The following MTMR7 variants were observed in gnomAD, a reference collection of about 807,000 sequenced individuals.
MTMR7 encodes the protein myotubularin related protein 7, also known as phosphatidylinositol-3-phosphate phosphatase MTMR7.
MTMR7 carries 76 observed loss-of-function variants against 81.2 expected under a neutral mutation model. That is an observed-to-expected ratio of 0.94 (90% CI 0.78 to 1.13). The LOEUF (loss-of-function observed/expected upper bound fraction) is 1.13. Among genes scored for constraint, MTMR7 ranks in the 50% most tolerant of loss-of-function variants. The pLI, the probability that MTMR7 is intolerant of heterozygous loss-of-function variation, is 0.00. For synonymous variants in MTMR7, 372 were observed against 289.8 expected (o/e 1.28, Z -2.88); for missense variants, 1,044 against 820.0 (o/e 1.27, Z -3.34).
At chr8:17,375,373 C>A (rs12545513) in intron 1 of MTMR7, among the ~76,000 whole-genome samples, 3 of 152,138 alleles carry the variant, frequency 2.0e-5, no homozygotes, top group African/African-American at 7.2e-5. Context: ...AATATCTGTA[C>A]TTATACAATT....
intron 1 of MTMR7, among the ~76,000 whole-genome samples, chr8:17,390,750 G>C (rs1821081512): frequency 6.6e-6 from 1 of 152,172 alleles, no homozygotes; most frequent in Admixed American, 6.5e-5. Flanking sequence ...CAAGGGAGCA[G>C]GAGAGAGAAG....
rs1005682972 is a variant in MTMR7 at position 17,387,432 on chromosome 8, C to T, written c.25-14192G>A. ...GGGGAGCTACTGGTAGAAAAATTCACCCCAGTAATCTTGATACAACTTTGT... is the reference window on the plus strand; with the variant it reads ...GGGGAGCTACTGGTAGAAAAATTCATCCCAGTAATCTTGATACAACTTTGT... On this transcript the variant is annotated intron_variant, in intron 1 of 13. Transcript: ENST00000180173. Among the ~76,000 whole-genome samples the T allele has an allele frequency of 3.3e-5, 5 of 152,148 alleles. No homozygotes were observed. In the East Asian group the frequency reaches 9.6e-4, roughly 29 times the overall value.
rs908325889 is a variant in MTMR7 at position 17,373,132 on chromosome 8, T to G, written c.133A>C (p.Arg45=). The change falls in exon 2 of 14, where the codon AGA becomes CGA. Residue 45 remains arginine, a synonymous_variant. Transcript: ENST00000180173. ...AGAAAGCATACCCATGTTTCTTTTC[T>G]TGGGTCAGGTGAATTTTCCACGAAT... ...VIFVENSPDP[R]KETWILHSQI... is the part of the protein sequence containing the mutation. 1.2e-6 allele frequency: 2 copies of G among 1,613,772 alleles called. No homozygotes were observed. Among genetic ancestry groups the G allele is most frequent in the African/African-American group, 1.3e-5 (1 of 74,934 alleles).
intron 1 of MTMR7, among the ~76,000 whole-genome samples, chr8:17,410,561 C>T (rs1456080278): frequency 6.6e-6 from 1 of 152,212 alleles, no homozygotes; most frequent in Non-Finnish European, 1.5e-5. Flanking sequence ...TTTAACCCAA[C>T]TGCAAACCAG....
rs569078978 is a variant in MTMR7 at position 17,349,994 on chromosome 8, C to T, written c.469-913G>A. ...ATGGGGTTGACAGATGGATCAAATC[C>T]GGCAACACCCATGGCAAAGCACTTT... On this transcript the variant is annotated intron_variant, in intron 4 of 13. Coordinates refer to ENST00000180173, the MANE Select transcript of MTMR7 (RefSeq NM_004686.5). Among the ~76,000 whole-genome samples, 20 of 152,268 alleles carry T rather than the reference C, an allele frequency of 1.3e-4. No homozygotes were observed. The South Asian group carries it at 3.7e-3, about 28-fold the overall frequency.
intron 9 of MTMR7, among the ~76,000 whole-genome samples, chr8:17,311,042 T>C (rs1213802335): frequency 6.6e-6 from 1 of 152,132 alleles, no homozygotes; most frequent in Non-Finnish European, 1.5e-5. Context: ...AGCATTCTCA[T>C]CCAGGGGTGT....
At chr8:17,367,381 A>C (rs1400949341) in intron 3 of MTMR7, among the ~76,000 whole-genome samples, 1 of 152,206 alleles carries the variant, frequency 6.6e-6, no homozygotes, top group Non-Finnish European at 1.5e-5. Context: ...GAGAGAGGAC[A>C]TGGGAAAAGC....
At chr8:17,378,384 T>G (rs748520638) in intron 1 of MTMR7, among the ~76,000 whole-genome samples, 1 of 152,194 alleles carries the variant, frequency 6.6e-6, no homozygotes, top group Non-Finnish European at 1.5e-5. Context: ...TACTAAGACG[T>G]TGAAAACGAT....
chr8:17,320,813 A>C (rs1818349473), intron 7 of MTMR7, among the ~76,000 whole-genome samples: 1 of 152,172 alleles, frequency 6.6e-6, no homozygotes, highest in African/African-American at 2.4e-5. Context: ...AAAGCATGGC[A>C]AATTCCAGCA....
chr8:17,333,618 G>C (rs941597834), intron 6 of MTMR7, among the ~76,000 whole-genome samples: 2 of 152,200 alleles, frequency 1.3e-5, no homozygotes, highest in African/African-American at 4.8e-5. Flanking sequence ...GGGAGGCAGA[G>C]GTGGGGAGAT....
rs1263232737 is a variant in MTMR7, at chr8:17,413,312, G to A, written c.-20C>T. 4 of 1,531,246 alleles carry A rather than the reference G, an allele frequency of 2.6e-6. No homozygotes were observed. Among genetic ancestry groups the A allele is most frequent in the Non-Finnish European group, 3.5e-6 (4 of 1,137,746 alleles). The allele number at this position is 1,531,246 out of a possible 1,614,324, so 94.9% of individuals were successfully genotyped here. A position where few individuals can be genotyped will look rare whatever the true frequency, so the allele number is the denominator to read the frequency against. On this transcript the variant is annotated 5_prime_UTR_variant, in exon 1 of 14. Transcript: ENST00000180173. Reference sequence around the variant, plus strand: ...CTCCATGGCTGGCCCACGTCTGCAGGGTCCCGGGCGGGCGCGGCCTCACGC... The same window carrying A: ...CTCCATGGCTGGCCCACGTCTGCAGAGTCCCGGGCGGGCGCGGCCTCACGC...
chr8:17,313,456 TATG>T, intron 7 of MTMR7, 55 bp from the exon 8 acceptor site: 2 of 1,150,026 alleles, frequency 1.7e-6, no homozygotes, highest in Non-Finnish European at 1.3e-6. Context: ...TCATTTTACA[TATG>T]ATCATGTTTT....
At chr8:17,300,959 C>T (rs769540105) in intron 13 of MTMR7, among the ~76,000 whole-genome samples, 20 of 152,212 alleles carry the variant, frequency 1.3e-4, no homozygotes, top group Non-Finnish European at 2.9e-4. Flanking sequence ...TACTTCATTC[C>T]TTTTTCTGGC....
intron 1 of MTMR7, among the ~76,000 whole-genome samples, chr8:17,375,373 C>G (rs12545513): frequency 1 from 151,609 of 152,252 alleles, 75,486 homozygotes; most frequent in East Asian, 1. Context: ...AATATCTGTA[C>G]TTATACAATT....
At position 17,303,599 on chromosome 8, in the gene MTMR7, A is replaced by G. The variant is rs546369142; in HGVS notation, c.1493+780T>C. On this transcript the variant is annotated intron_variant, in intron 12 of 13. Coordinates refer to ENST00000180173, the MANE Select transcript of MTMR7 (RefSeq NM_004686.5). ...CCACCCTGCTCTCCCCATTCTCCCCATACATACAATCTTTTTTTTTTTTTT... is the reference window on the plus strand; with the variant it reads ...CCACCCTGCTCTCCCCATTCTCCCCGTACATACAATCTTTTTTTTTTTTTT... 5.4e-5 allele frequency among the ~76,000 whole-genome samples: 7 copies of G among 130,634 alleles called. No individual in the cohort carries two copies. The South Asian group carries it at 1.8e-3, about 34-fold the overall frequency. The allele number at this position is 130,634 out of a possible 152,430, so 85.7% of individuals were successfully genotyped here.
At chr8:17,328,946 C>T (rs1586198063) in intron 7 of MTMR7, among the ~76,000 whole-genome samples, 1 of 151,768 alleles carries the variant, frequency 6.6e-6, no homozygotes, top group Admixed American at 6.6e-5. Flanking sequence ...CTATAGAGGA[C>T]CTACACAGGA....
At chr8:17,408,929 C>T (rs1012278900) in intron 1 of MTMR7, among the ~76,000 whole-genome samples, 3 of 152,052 alleles carry the variant, frequency 2.0e-5, no homozygotes, top group East Asian at 3.9e-4. Context: ...TATACTAAAA[C>T]CACTGAATTG....
chr8:17,332,343 A>T (rs1325137686), intron 6 of MTMR7, among the ~76,000 whole-genome samples: 1 of 152,128 alleles, frequency 6.6e-6, no homozygotes, highest in African/African-American at 2.4e-5. Context: ...AGTCTGACAA[A>T]ATTAAAAGTA....
chr8:17,384,221 G>T (rs992109274), intron 1 of MTMR7, among the ~76,000 whole-genome samples: 4 of 151,942 alleles, frequency 2.6e-5, no homozygotes, highest in Admixed American at 1.3e-4. Flanking sequence ...GACCAGCCTG[G>T]GCAACAAGAT....
Sources: allele counts gnomAD v4.1 joint callset (sites outside exome capture counted in the v4.1 genomes callset), GRCh38; gene constraint gnomAD v4.1.1; transcripts MANE v1.5; gene names NCBI Gene and HGNC (gene_info 2026-07-23, HGNC 2026-07-21).